The following SYTL3 variants were observed in gnomAD, a reference collection of about 807,000 sequenced individuals.
The protein encoded by SYTL3 is synaptotagmin like 3, also known as synaptotagmin-like protein 3.
Under a neutral mutation model 82.1 loss-of-function variants are expected in SYTL3, and 88 were observed. The observed-to-expected ratio is 1.07, with a 90% CI of 0.90 to 1.28. The LOEUF (loss-of-function observed/expected upper bound fraction) is 1.28. Ranked by LOEUF, SYTL3 falls within the 50% of genes most tolerant of loss-of-function variation. The pLI, the probability that SYTL3 is intolerant of heterozygous loss-of-function variation, is 0.00. For synonymous variants in SYTL3, 311 were observed against 289.4 expected (o/e 1.07, Z -0.76); for missense variants, 831 against 757.6 (o/e 1.10, Z -1.14).
chr6:158,755,762 G>C (rs1268507069), intron 13 of SYTL3, among the ~76,000 whole-genome samples: 4 of 152,216 alleles, frequency 2.6e-5, no homozygotes, highest in African/African-American at 4.8e-5. Context: ...CAAGTGTCCA[G>C]CCTCACAGCA....
chr6:158,674,597 C>T lies in SYTL3; in HGVS notation c.330-8328C>T, dbSNP rs185643906. Among the ~76,000 whole-genome samples, 19 of 152,324 alleles carry T rather than the reference C, an allele frequency of 1.2e-4. No homozygotes were observed. In the East Asian group the frequency reaches 2.3e-3, roughly 19 times the overall value. On this transcript the variant is annotated intron_variant, in intron 5 of 17. Transcript: ENST00000611299. ...TTCGGCCTTCTCATCGCCCCTCTGT[C>T]GTGGTGGATCCCCCTTCTTAGGTCT... is the stretch of plus-strand genomic sequence containing the variant.
chr6:158,713,935 C>T, intron 9 of SYTL3, 57 bp downstream of exon 9: 2 of 1,330,118 alleles, frequency 1.5e-6, no homozygotes, highest in African/African-American at 1.5e-5. Flanking sequence ...GCCGAGCCCA[C>T]TGGCCAGGGC....
chr6:158,671,760 TA>T (rs1777411678), intron 5 of SYTL3, among the ~76,000 whole-genome samples: 1 of 151,184 alleles, frequency 6.6e-6, no homozygotes, highest in Non-Finnish European at 1.5e-5. Flanking sequence ...GATAATTATT[TA>T]AATTATTTAG....
chr6:158,760,235 C>T (rs1270742854), intron 14 of SYTL3, among the ~76,000 whole-genome samples: 1 of 152,168 alleles, frequency 6.6e-6, no homozygotes, highest in Non-Finnish European at 1.5e-5. Flanking sequence ...CTGTGCCAGT[C>T]CTTGGCATGG....
At chr6:158,653,031 A>G (rs1788218605) in intron 2 of SYTL3, among the ~76,000 whole-genome samples, 1 of 152,198 alleles carries the variant, frequency 6.6e-6, no homozygotes, top group Admixed American at 6.5e-5. Flanking sequence ...GAGTAACAAG[A>G]TAGACAGAAA....
intron 6 of SYTL3, among the ~76,000 whole-genome samples, chr6:158,693,143 C>T (rs947336469): frequency 1.3e-5 from 2 of 152,142 alleles, no homozygotes; most frequent in African/African-American, 4.8e-5. Context: ...TTTATGTGTG[C>T]TTATACTCCT....
intron 6 of SYTL3, among the ~76,000 whole-genome samples, chr6:158,686,769 A>G (rs575463582): frequency 1.3e-5 from 2 of 152,328 alleles, no homozygotes; most frequent in East Asian, 3.9e-4. Flanking sequence ...GGGAATAGTG[A>G]GAGAACAGAG....
chr6:158,725,342 T>TGC (rs1202909152), intron 10 of SYTL3, among the ~76,000 whole-genome samples, 161 bp from the exon 11 acceptor site: 147 of 152,212 alleles, frequency 9.7e-4, no homozygotes, highest in African/African-American at 3.3e-3. Context: ...TGTGTGTGTG[T>TGC]GCGCACGTGC....
chr6:158,758,587 A>C (rs889072699), intron 14 of SYTL3, among the ~76,000 whole-genome samples: 1 of 152,030 alleles, frequency 6.6e-6, no homozygotes, highest in Non-Finnish European at 1.5e-5. Flanking sequence ...GATTCGCATT[A>C]TCTCTGCCTG....
intron 9 of SYTL3, among the ~76,000 whole-genome samples, chr6:158,715,985 C>G (rs1335817296): frequency 6.6e-6 from 1 of 152,108 alleles, no homozygotes; most frequent in East Asian, 1.9e-4. Context: ...GTAGAGGGCC[C>G]CAGACTCTTC....
At chr6:158,694,809 T>C (rs1048579804) in intron 6 of SYTL3, among the ~76,000 whole-genome samples, 32 of 152,178 alleles carry the variant, frequency 2.1e-4, no homozygotes, top group African/African-American at 7.5e-4. Flanking sequence ...TCTGTATGTC[T>C]CCTGATGTCC....
At chr6:158,680,592 A>AAAAAC (rs1554246970) in intron 5 of SYTL3, among the ~76,000 whole-genome samples, 1 of 151,424 alleles carries the variant, frequency 6.6e-6, no homozygotes, top group African/African-American at 2.4e-5. Flanking sequence ...AAAAAAAAAA[A>AAAAAC]AACACAAAAA....
chr6:158,707,344 G>A, intron 7 of SYTL3, 63 bp downstream of exon 7: 2 of 1,472,630 alleles, frequency 1.4e-6, no homozygotes, highest in Non-Finnish European at 1.9e-6. Flanking sequence ...AGGACACTCT[G>A]CAAGAACTTA....
chr6:158,756,811 C>G (rs1286340364), intron 13 of SYTL3, among the ~76,000 whole-genome samples: 3 of 133,008 alleles, frequency 2.3e-5, no homozygotes, highest in Non-Finnish European at 4.6e-5. Flanking sequence ...TGTTTAGATG[C>G]AAGTTCAAAT....
At chr6:158,655,766 G>A (rs1274435722) in intron 2 of SYTL3, among the ~76,000 whole-genome samples, 2 of 152,132 alleles carry the variant, frequency 1.3e-5, no homozygotes, top group Non-Finnish European at 2.9e-5. Flanking sequence ...TGTCTACTTC[G>A]TAGATGAGGA....
rs1236156768 is a variant in SYTL3, at chr6:158,762,104, A to G, written c.1443A>G (p.Gln481=). ...CAGATCAGCCATCACTTCATGGTCA[A>G]CTTTGTTTGGTAGTGCTAGGAGCCA... The part of the protein sequence containing the change: ...EGTDQPSLHG[Q]LCLVVLGAKN... The change falls in exon 16 of 18, where the codon CAA becomes CAG. Residue 481 remains glutamine (Q), a synonymous_variant. Coordinates refer to ENST00000611299, the MANE Select transcript of SYTL3 (RefSeq NM_001242394.2). The G allele has an allele frequency of 6.2e-6, 10 of 1,613,752 alleles. No homozygotes were observed. The highest frequency in any genetic ancestry group is 4.5e-5 in the East Asian group (2 of 44,886).
At chr6:158,761,762 C>T (rs1031287035) in intron 15 of SYTL3, among the ~76,000 whole-genome samples, 11 of 152,276 alleles carry the variant, frequency 7.2e-5, no homozygotes, top group African/African-American at 2.6e-4. Context: ...CTCTCACTTT[C>T]CCCCAAACTT....
intron 6 of SYTL3, among the ~76,000 whole-genome samples, chr6:158,702,690 C>T (rs1279459715): frequency 6.6e-6 from 1 of 152,044 alleles, no homozygotes; most frequent in African/African-American, 2.4e-5. Flanking sequence ...CCTCGACTAT[C>T]CCCGTTTTGG....
At chr6:158,676,146 T>A (rs939122347) in intron 5 of SYTL3, among the ~76,000 whole-genome samples, 7 of 152,196 alleles carry the variant, frequency 4.6e-5, no homozygotes, top group Non-Finnish European at 8.8e-5. Flanking sequence ...ACTACCTGAC[T>A]TCAAACTATA....
Sources: allele counts gnomAD v4.1 joint callset (sites outside exome capture counted in the v4.1 genomes callset), GRCh38; gene constraint gnomAD v4.1.1; transcripts MANE v1.5; gene names NCBI Gene and HGNC (gene_info 2026-07-23, HGNC 2026-07-21).